The following ANKRD6 variants were observed in gnomAD, a reference collection of about 807,000 sequenced individuals.
ANKRD6 encodes ankyrin repeat domain 6.
Under a neutral mutation model 82.3 loss-of-function variants are expected in ANKRD6, and 56 were observed. The ratio of observed to expected loss-of-function variants is 0.68; its 90% CI spans 0.55 to 0.85. The LOEUF is 0.85. Among genes scored for constraint, ANKRD6 ranks in the 40% least tolerant of loss-of-function variants. The pLI, the probability that ANKRD6 is intolerant of heterozygous loss-of-function variation, is 0.00. For missense variants in ANKRD6, 852 were observed against 907.6 expected (o/e 0.94, Z 0.79); for synonymous variants, 347 against 352.1 (o/e 0.99, Z 0.16).
At chr6:89,599,988 C>G (rs1465171481) in intron 3 of ANKRD6, among the ~76,000 whole-genome samples, 1 of 152,080 alleles carries the variant, frequency 6.6e-6, no homozygotes, top group Admixed American at 6.5e-5. Context: ...TGGAAACAGG[C>G]AGGACAGCCA....
intron 1 of ANKRD6, among the ~76,000 whole-genome samples, chr6:89,437,253 C>A (rs971486302): frequency 2.0e-5 from 3 of 152,136 alleles, no homozygotes; most frequent in African/African-American, 7.2e-5. Flanking sequence ...TTTCAGTTCT[C>A]TGACATATCT....
chr6:89,627,196 A>C (rs1422901698), intron 13 of ANKRD6, among the ~76,000 whole-genome samples: 3 of 151,536 alleles, frequency 2.0e-5, no homozygotes, highest in Non-Finnish European at 4.4e-5. Flanking sequence ...AGCTGGGACT[A>C]CAGGCATGTG....
rs561464503 is a variant in ANKRD6, at chr6:89,507,658, A to G, written c.-143-59176A>G. ...ATATTATGGTAATTCCTTGTCATTC[A>G]TGGGATTCCTGAGAAGTGCCCTTGC... On this transcript the variant is annotated intron_variant, in intron 1 of 15. Transcript: ENST00000339746. 4.6e-5 allele frequency among the ~76,000 whole-genome samples: 7 copies of G among 152,332 alleles called. No individual in the cohort carries two copies. The East Asian group carries it at 1.3e-3, about 29-fold the overall frequency.
At chr6:89,572,427 C>G (rs1015816672) in intron 2 of ANKRD6, among the ~76,000 whole-genome samples, 1 of 152,180 alleles carries the variant, frequency 6.6e-6, no homozygotes, top group Non-Finnish European at 1.5e-5. Flanking sequence ...TTCAATCTTA[C>G]GGATTTTGAC....
Position 89,633,603 on chromosome 6 carries a change from C to G in ANKRD6, c.*2599C>G, listed in dbSNP as rs1046096514. ...AATTGTTAGTGCATTATTGAGTATA[C>G]TAAATATCTGTGATTAAATAAATTA... On this transcript the variant is annotated 3_prime_UTR_variant, in exon 16 of 16. Transcript: ENST00000339746. The G allele has an allele frequency of 1.3e-5, 2 of 152,072 alleles. No homozygotes were observed. Among genetic ancestry groups the G allele is most frequent in the African/African-American group, 2.4e-5 (1 of 41,396 alleles). 9.4% of individuals were successfully genotyped at this position (152,072 alleles called of 1,614,324 possible). A position where few individuals can be genotyped will look rare whatever the true frequency, so the allele number is the denominator to read the frequency against.
chr6:89,596,027 C>T lies in ANKRD6; in HGVS notation c.219+13C>T, dbSNP rs375520915. The T allele has an allele frequency of 2.4e-5, 39 of 1,597,902 alleles. No individual in the cohort carries two copies. Among genetic ancestry groups the T allele is most frequent in the East Asian group, 4.5e-5 (2 of 44,458 alleles). The stretch of plus-strand genomic sequence containing the variant: ...TGTCCAGGATGATGTGAGTAGAAGC[C>T]ATCATTCTATCAGGCTGAGTTGGCA... On this transcript the variant is annotated intron_variant, in intron 3 of 15. Coordinates refer to ENST00000339746, the MANE Select transcript of ANKRD6 (RefSeq NM_001242809.2).
rs116103682 is a variant in ANKRD6, at chr6:89,599,589, T to A, written c.220-3440T>A. ...GTTTCAATGGTAAATTTTAATCTTA[T>A]AGGAGGAAAGAGTCCATTTGTAGAT... On this transcript the variant is annotated intron_variant, in intron 3 of 15. Transcript: ENST00000339746. Among the ~76,000 whole-genome samples, 364 of 152,280 alleles carry A rather than the reference T, an allele frequency of 2.4e-3. 1 individual carries two copies. The highest frequency in any genetic ancestry group is 8.5e-3 in the African/African-American group (352 of 41,558).
At chr6:89,588,126 G>A (rs953589259) in intron 2 of ANKRD6, among the ~76,000 whole-genome samples, 1 of 152,104 alleles carries the variant, frequency 6.6e-6, no homozygotes, top group Non-Finnish European at 1.5e-5. Context: ...AAAAGTTGGT[G>A]GAGTCTTCCA....
rs114640938 is a variant in ANKRD6, at chr6:89,503,852, T to A, written c.-143-62982T>A. ...GTAGAGGGACCATAGTGCAAGGCCT[T>A]GAGGCAGGGGTGTGCCTGGTGTGTT... On this transcript the variant is annotated intron_variant, in intron 1 of 15. Coordinates refer to ENST00000339746, the MANE Select transcript of ANKRD6 (RefSeq NM_001242809.2). Among the ~76,000 whole-genome samples, 230 of 152,090 alleles carry A rather than the reference T, an allele frequency of 1.5e-3. 1 individual carries two copies. The highest frequency in any genetic ancestry group is 5.3e-3 in the African/African-American group (220 of 41,490).
rs112912574 is a variant in ANKRD6, at chr6:89,586,973, A to G, written c.121-8943A>G. ...GGAGGCTGAGGTGGGTGGATCACTTAAGGTCAGGAGTTCAAAACCAGCCTG... is the reference window on the plus strand; with the variant it reads ...GGAGGCTGAGGTGGGTGGATCACTTGAGGTCAGGAGTTCAAAACCAGCCTG... On this transcript the variant is annotated intron_variant, in intron 2 of 15. Coordinates refer to ENST00000339746, the MANE Select transcript of ANKRD6 (RefSeq NM_001242809.2). Among the ~76,000 whole-genome samples the G allele has an allele frequency of 6.8e-3, 1,037 of 151,826 alleles. 8 individuals are homozygous for G. Among genetic ancestry groups the G allele is most frequent in the African/African-American group, 0.024 (989 of 41,394 alleles).
intron 1 of ANKRD6, among the ~76,000 whole-genome samples, chr6:89,456,412 A>G (rs1582694052): frequency 6.6e-6 from 1 of 152,222 alleles, no homozygotes; most frequent in Admixed American, 6.5e-5. Flanking sequence ...TCCAAACCCA[A>G]GGTGCTGGTG....
chr6:89,538,238 T>G (rs910715577), intron 1 of ANKRD6, among the ~76,000 whole-genome samples: 3 of 152,208 alleles, frequency 2.0e-5, no homozygotes, highest in Non-Finnish European at 4.4e-5. Flanking sequence ...TTTTTCCCCT[T>G]GCAATTTTCT....
intron 1 of ANKRD6, among the ~76,000 whole-genome samples, chr6:89,548,162 A>T (rs1785351861): frequency 6.6e-6 from 1 of 152,220 alleles, no homozygotes; most frequent in Admixed American, 6.5e-5. Context: ...ACATCACCCT[A>T]AAAAGACATC....
chr6:89,546,256 T>C (rs1562778188), intron 1 of ANKRD6, among the ~76,000 whole-genome samples: 1 of 152,150 alleles, frequency 6.6e-6, no homozygotes, highest in Non-Finnish European at 1.5e-5. Context: ...TTTATATGAC[T>C]CTAAAATGTT....
chr6:89,518,173 C>T lies in ANKRD6; in HGVS notation c.-143-48661C>T, dbSNP rs981612847. Among the ~76,000 whole-genome samples the T allele has an allele frequency of 2.0e-5, 3 of 151,990 alleles. No individual in the cohort carries two copies. The South Asian group carries it at 6.2e-4, about 31-fold the overall frequency. On this transcript the variant is annotated intron_variant, in intron 1 of 15. Transcript: ENST00000339746. ...ATCCTAGCACTTTGGGAGGCCGAGG[C>T]GGGTGGATCACCTGAGGTCCAGAGT...
chr6:89,484,572 A>G (rs972084928), intron 1 of ANKRD6, among the ~76,000 whole-genome samples: 6 of 152,216 alleles, frequency 3.9e-5, no homozygotes, highest in African/African-American at 1.2e-4. Flanking sequence ...TAAAATACAA[A>G]TGTTTTCAGA....
intron 2 of ANKRD6, among the ~76,000 whole-genome samples, chr6:89,588,869 G>C (rs1261512502): frequency 1.3e-5 from 2 of 151,906 alleles, no homozygotes; most frequent in Non-Finnish European, 2.9e-5. Flanking sequence ...GCTGGGTGTG[G>C]TGGTGCACGC....
At chr6:89,601,018 C>T (rs1797019157) in intron 3 of ANKRD6, among the ~76,000 whole-genome samples, 3 of 152,304 alleles carry the variant, frequency 2.0e-5, no homozygotes, top group South Asian at 4.1e-4. Flanking sequence ...GCCTGGGCGA[C>T]AGGGCGAGAC....
At position 89,515,525 on chromosome 6, in the gene ANKRD6, C is replaced by T. The variant is rs532616151; in HGVS notation, c.-143-51309C>T. Among the ~76,000 whole-genome samples the T allele has an allele frequency of 7.2e-5, 11 of 152,332 alleles. No individual in the cohort carries two copies. The East Asian group carries it at 2.1e-3, about 29-fold the overall frequency. On this transcript the variant is annotated intron_variant, in intron 1 of 15. Coordinates refer to ENST00000339746, the MANE Select transcript of ANKRD6 (RefSeq NM_001242809.2). ...ATGGTCGGCAGGTAAAATGTCTGCC[C>T]TGCCAAAGACATACTCATTTCCTAA...
Sources: gnomAD v4.1 joint callset for allele counts (sites outside exome capture counted in the v4.1 genomes callset) on GRCh38, gnomAD v4.1.1 for gene constraint, MANE v1.5 for transcripts, NCBI Gene and HGNC (gene_info 2026-07-23, HGNC 2026-07-21) for gene names.